Variants in CLDND1 observed in about 807,000 individuals in gnomAD.
CLDND1 encodes claudin domain containing 1, also known as claudin domain-containing protein 1.
CLDND1 carries 13 observed loss-of-function variants against 26.3 expected under a neutral mutation model. That is an observed-to-expected ratio of 0.49 (90% CI 0.32 to 0.78). The LOEUF is 0.78. Ranked by LOEUF, CLDND1 falls within the 30% of genes least tolerant of loss-of-function variation. CLDND1 has a pLI of 0.03. For synonymous variants in CLDND1, 107 were observed against 107.0 expected, an observed-to-expected ratio of 1.00 and a Z score of 0.00; for missense variants, 289 against 312.8, an observed-to-expected ratio of 0.92 and a Z score of 0.57.
At chr3:98,522,809 A>G in intron 1 of CLDND1, 40 bp downstream of exon 1, 2 of 1,613,564 alleles carry the variant, frequency 1.2e-6, no homozygotes, top group Non-Finnish European at 1.7e-6. Context: ...TGGAACCGCG[A>G]CGCGACCCCT....
At position 98,515,682 on chromosome 3, in the gene CLDND1, G is replaced by A. The variant is rs1576264603; in HGVS notation, c.*977C>T. 1 of 1,281,586 alleles carries A rather than the reference G, an allele frequency of 7.8e-7. No individual in the cohort carries two copies. Among genetic ancestry groups the A allele is most frequent in the Admixed American group, 2.3e-5 (1 of 42,804 alleles). The allele number at this position is 1,281,586 out of a possible 1,614,324, so 79.4% of individuals were successfully genotyped here. On this transcript the variant is annotated 3_prime_UTR_variant, in exon 5 of 5. Transcript: ENST00000341181. The stretch of plus-strand genomic sequence containing the variant: ...ATTAAATAATGTTGATACACACCAG[G>A]AAGGGATTTAGGCAAGGAAAGGCAC...
chr3:98,522,607 T>A, intron 1 of CLDND1: 3 of 1,387,988 alleles, frequency 2.2e-6, no homozygotes, highest in Non-Finnish European at 2.8e-6. Context: ...AGCCACCTCC[T>A]GGGCCTCACG....
At chr3:98,517,357 T>A in intron 3 of CLDND1, 168 bp from the exon 4 acceptor site, 1 of 746,404 alleles carries the variant, frequency 1.3e-6, no homozygotes, top group South Asian at 2.0e-5. Context: ...ATGCTACTCT[T>A]GTCCTGATAA....
intron 1 of CLDND1, chr3:98,522,415 T>G: frequency 2.1e-6 from 1 of 475,558 alleles, no homozygotes; most frequent in South Asian, 6.3e-5. Flanking sequence ...CAAACTGGGG[T>G]TGCTGAGTTT....
chr3:98,521,203 T>G lies in CLDND1; in HGVS notation c.222A>C (p.Thr74=). The G allele has an allele frequency of 6.2e-7, 1 of 1,614,224 alleles. No homozygotes were observed. The highest frequency in any genetic ancestry group is 8.5e-7 in the Non-Finnish European group (1 of 1,180,026). ...YNDALFRYNG[T]VGLWRRCITI... is the part of the protein sequence containing the mutation. ...TGATACACCGTCTCCACAATCCCAC[T>G]GTGCCATTGTATCGAAAAAGTGCAT... The change falls in exon 2 of 5, where the codon ACA becomes ACC. Residue 74 remains threonine, a synonymous_variant. Coordinates refer to ENST00000341181, the MANE Select transcript of CLDND1 (RefSeq NM_001040181.2).
At position 98,516,419 on chromosome 3, in the gene CLDND1, A is replaced by G; in HGVS notation, c.*240T>C. ...ATAAATTTGTGTCAAGTCTCTATCC[A>G]TTTCTTTCTGTCTAGACCTAGATTA... is the stretch of plus-strand genomic sequence containing the variant. On this transcript the variant is annotated 3_prime_UTR_variant, in exon 5 of 5. Coordinates refer to ENST00000341181, the MANE Select transcript of CLDND1 (RefSeq NM_001040181.2). 1 of 1,268,106 alleles carries G rather than the reference A, an allele frequency of 7.9e-7. No homozygotes were observed. Among genetic ancestry groups the G allele is most frequent in the South Asian group, 2.2e-5 (1 of 44,466 alleles). The allele number at this position is 1,268,106 out of a possible 1,614,324, so 78.6% of individuals were successfully genotyped here.
intron 1 of CLDND1, chr3:98,522,451 G>T: frequency 1.2e-6 from 1 of 843,452 alleles, no homozygotes; most frequent in Non-Finnish European, 1.5e-6. Context: ...ACTCAGGAAA[G>T]ATAAGAGCAA....
chr3:98,521,316 T>C lies in CLDND1; in HGVS notation c.109A>G (p.Ser37Gly). Reference sequence around the variant, plus strand: ...TCACTGGAATTTTCTTGAACTGGACTTCGATATTCATACCAGAAGTCTGTG... The same window carrying C: ...TCACTGGAATTTTCTTGAACTGGACCTCGATATTCATACCAGAAGTCTGTG... ...IGTDFWYEYR[S>G]PVQENSSDLN... is the part of the protein sequence containing the mutation. Residue 37 changes from serine (S) to glycine (G), a missense_variant, in exon 2 of 5, where the codon AGT (serine) becomes GGT (glycine). Transcript: ENST00000341181. 1.2e-6 allele frequency: 2 copies of C among 1,614,218 alleles called. No homozygotes were observed. Among genetic ancestry groups the C allele is most frequent in the Non-Finnish European group, 1.7e-6 (2 of 1,180,038 alleles).
At position 98,515,552 on chromosome 3, in the gene CLDND1, A is replaced by AT. The variant is rs1409353401; in HGVS notation, c.*1106dup. The stretch of plus-strand genomic sequence containing the variant: ...TTATGGTAAGAAATTATGAAGTTAC[A>AT]TTTTTTTAATCTGTCAATTGCTACA... On this transcript the variant is annotated 3_prime_UTR_variant, in exon 5 of 5. Coordinates refer to ENST00000341181, the MANE Select transcript of CLDND1 (RefSeq NM_001040181.2). 2.2e-6 allele frequency: 2 copies of AT among 917,664 alleles called. No individual in the cohort carries two copies. The highest frequency in any genetic ancestry group is 4.8e-5 in the Admixed American group (1 of 20,672). The allele number at this position is 917,664 out of a possible 1,614,324, so 56.8% of individuals were successfully genotyped here. A position where few individuals can be genotyped will look rare whatever the true frequency, so the allele number is the denominator to read the frequency against.
Position 98,515,823 on chromosome 3 carries a change from T to TAA in CLDND1, c.*835_*836insTT. On this transcript the variant is annotated 3_prime_UTR_variant, in exon 5 of 5. Coordinates refer to ENST00000341181, the MANE Select transcript of CLDND1 (RefSeq NM_001040181.2). Reference sequence around the variant, plus strand: ...GGTCATTATGGTGAAACGTTCTTTATAGTACTGGGCTGGAATAAATAAATA... The same window carrying TAA: ...GGTCATTATGGTGAAACGTTCTTTATAAAGTACTGGGCTGGAATAAATAAATA... 7.8e-7 allele frequency: 1 copy of TAA among 1,289,600 alleles called. No homozygotes were observed. Among genetic ancestry groups the TAA allele is most frequent in the Non-Finnish European group, 1.0e-6 (1 of 988,770 alleles). 79.9% of individuals were successfully genotyped at this position (1,289,600 alleles called of 1,614,324 possible).
intron 3 of CLDND1, chr3:98,517,419 C>T: frequency 1.9e-6 from 1 of 513,686 alleles, no homozygotes; most frequent in East Asian, 3.5e-5. Flanking sequence ...TCACTATGTT[C>T]CATGCTATGT....
At position 98,521,186 on chromosome 3, in the gene CLDND1, C is replaced by T. The variant is rs1395096675; in HGVS notation, c.239G>A (p.Arg80Gln). Residue 80 changes from arginine to glutamine, a missense_variant, in exon 2 of 5, where the codon CGG becomes CAG. Transcript: ENST00000341181. ...RYNGTVGLWR[R>Q]CITIPKNMHW... ...CATGTTTTTGGGTATGGTGATACAC[C>T]GTCTCCACAATCCCACTGTGCCATT... is the stretch of plus-strand genomic sequence containing the variant. The T allele has an allele frequency of 8.1e-6, 13 of 1,614,030 alleles. No homozygotes were observed. Among genetic ancestry groups the T allele is most frequent in the Middle Eastern group, 3.3e-4 (2 of 6,084 alleles).
At position 98,516,518 on chromosome 3, in the gene CLDND1, G is replaced by C; in HGVS notation, c.*141C>G. ...TGGTATTAAGTGTGTATTTAGTGGT[G>C]AATGTGTATAAATAAAATAGATTTT... On this transcript the variant is annotated 3_prime_UTR_variant, in exon 5 of 5. Transcript: ENST00000341181. The C allele has an allele frequency of 7.1e-7, 1 of 1,416,980 alleles. No homozygotes were observed. Among genetic ancestry groups the C allele is most frequent in the Non-Finnish European group, 9.2e-7 (1 of 1,083,442 alleles). 87.8% of individuals were successfully genotyped at this position (1,416,980 alleles called of 1,614,324 possible). A position where few individuals can be genotyped will look rare whatever the true frequency, so the allele number is the denominator to read the frequency against.
chr3:98,521,076 T>G (rs1706387409), intron 2 of CLDND1, 57 bp downstream of exon 2: 1 of 1,449,438 alleles, frequency 6.9e-7, no homozygotes, highest in African/African-American at 1.4e-5. Context: ...AATCATTACG[T>G]CGTTTTGTCT....
At position 98,516,638 on chromosome 3, in the gene CLDND1, G is replaced by A; in HGVS notation, c.*21C>T. 2 of 1,591,610 alleles carry A rather than the reference G, an allele frequency of 1.3e-6. No homozygotes were observed. The highest frequency in any genetic ancestry group is 2.2e-5 in the East Asian group (1 of 44,650). On this transcript the variant is annotated 3_prime_UTR_variant, in exon 5 of 5. Transcript: ENST00000341181. Reference sequence around the variant, plus strand: ...TTTTAAAAAAATAAAAATGGCAATTGTAAAGCAGGCAGTTTCTTGCTCATG... The same window carrying A: ...TTTTAAAAAAATAAAAATGGCAATTATAAAGCAGGCAGTTTCTTGCTCATG...
intron 1 of CLDND1, chr3:98,522,333 T>C (rs1230749378): frequency 5.7e-6 from 1 of 175,146 alleles, no homozygotes; most frequent in Admixed American, 6.4e-5. Context: ...TCGCGCTGAG[T>C]CAAATACTAC....
In CLDND1 at chr3:98,516,879, C is replaced by G; in HGVS notation, c.542G>C (p.Gly181Ala). ...IATGILHLLA[G>A]LCTLGSVSCY... is the part of the protein sequence containing the mutation. Reference sequence around the variant, plus strand: ...ACTTACTGAGCCCAGTGTACACAGACCTTGGGGGAAAATTTAGAAAACAAA... The same window carrying G: ...ACTTACTGAGCCCAGTGTACACAGAGCTTGGGGGAAAATTTAGAAAACAAA... The change falls in exon 5 of 5, where the codon GGT becomes GCT. Residue 181 changes from glycine (G) to alanine (A), a missense_variant and splice_region_variant. By Grantham distance (60) the Gly-to-Ala change is moderately conservative. Transcript: ENST00000341181. The G allele has an allele frequency of 6.2e-7, 1 of 1,613,734 alleles. No homozygotes were observed. The highest frequency in any genetic ancestry group is 1.7e-4 in the Middle Eastern group (1 of 6,060).
rs1355907514 is a variant in CLDND1, at chr3:98,516,466, G to A, written c.*193C>T. 42 of 1,366,204 alleles carry A rather than the reference G, an allele frequency of 3.1e-5. No homozygotes were observed. The highest frequency in any genetic ancestry group is 2.0e-4 in the Admixed American group (6 of 30,304). 84.6% of individuals were successfully genotyped at this position (1,366,204 alleles called of 1,614,324 possible). A position where few individuals can be genotyped will look rare whatever the true frequency, so the allele number is the denominator to read the frequency against. On this transcript the variant is annotated 3_prime_UTR_variant, in exon 5 of 5. Transcript: ENST00000341181. ...ATTAGTTTATTTGAAAGATGGCATCGCTTAAAGTAAACCACATAAATTTTA... is the reference window on the plus strand; with the variant it reads ...ATTAGTTTATTTGAAAGATGGCATCACTTAAAGTAAACCACATAAATTTTA...
At position 98,516,971 on chromosome 3, in the gene CLDND1, G is replaced by A. The variant is rs371664738; in HGVS notation, c.541+81C>T. On this transcript the variant is annotated intron_variant, in intron 4 of 4. Coordinates refer to ENST00000341181, the MANE Select transcript of CLDND1 (RefSeq NM_001040181.2). ...GGCAATGTGACAGGGCAGTTAATACGTGAACATTTCAGATTTATAACTCTT... is the reference window on the plus strand; with the variant it reads ...GGCAATGTGACAGGGCAGTTAATACATGAACATTTCAGATTTATAACTCTT... 64 of 1,607,266 alleles carry A rather than the reference G, an allele frequency of 4.0e-5. 1 individual carries two copies. The African/African-American group carries it at 4.2e-4, about 10-fold the overall frequency.
Sources: allele counts gnomAD v4.1 joint callset, GRCh38; gene constraint gnomAD v4.1.1; transcripts MANE v1.5; gene names NCBI Gene and HGNC (gene_info 2026-07-23, HGNC 2026-07-21).